TCF4: variants seen among roughly 807,000 people sequenced by gnomAD.
TCF4 encodes the protein transcription factor 4, also known as SL3-3 enhancer factor 2.
TCF4 carries 3 observed loss-of-function variants against 82.1 expected under a neutral mutation model. The observed-to-expected ratio is 0.04, with a 90% confidence interval of 0.02 to 0.09. The LOEUF is 0.09. TCF4 is among the 10% of genes least tolerant of loss of function. The pLI is 1.00. For missense variants in TCF4, 518 were observed against 852.7 expected (o/e 0.61, Z 4.89); for synonymous variants, 276 against 309.6 (o/e 0.89, Z 1.14).
chr18:55,250,362 T>C lies in TCF4; in HGVS notation c.1350+4135A>G, dbSNP rs111885969. Among the ~76,000 whole-genome samples the C allele has an allele frequency of 6.0e-3, 919 of 152,248 alleles. 9 individuals carry two copies. Among genetic ancestry groups the C allele is most frequent in the African/African-American group, 0.021 (893 of 41,536 alleles). ...GAGAGCTGCTCTGGGAACCCAGCCA[T>C]GGAATACCTGGAAACTTCTTTTGCC... On this transcript the variant is annotated intron_variant, in intron 15 of 19. Coordinates refer to ENST00000354452, the MANE Select transcript of TCF4 (RefSeq NM_001083962.2).
intron 5 of TCF4, among the ~76,000 whole-genome samples, chr18:55,426,148 C>T (rs1052261096): frequency 5.4e-5 from 8 of 149,244 alleles, no homozygotes; most frequent in African/African-American, 1.0e-4. Flanking sequence ...TATTTTCATA[C>T]GTGTCTTTTA....
intron 3 of TCF4, among the ~76,000 whole-genome samples, chr18:55,568,949 G>A (rs765485627): frequency 1.2e-4 from 18 of 152,000 alleles, no homozygotes; most frequent in African/African-American, 3.4e-4. Context: ...GAAAATATAC[G>A]GATGTCACTC....
chr18:55,324,057 T>C (rs1352963721), intron 8 of TCF4, among the ~76,000 whole-genome samples: 1 of 152,240 alleles, frequency 6.6e-6, no homozygotes, highest in Non-Finnish European at 1.5e-5. Flanking sequence ...TTTAATATAT[T>C]GTTAACATGT....
chr18:55,298,538 TTC>T (rs1272237398), intron 8 of TCF4, among the ~76,000 whole-genome samples: 1 of 152,194 alleles, frequency 6.6e-6, no homozygotes, highest in Non-Finnish European at 1.5e-5. Flanking sequence ...CAAATTAAAC[TTC>T]TCAGTATATC....
At chr18:55,603,060 A>T (rs766695023) in intron 2 of TCF4, among the ~76,000 whole-genome samples, 6 of 152,186 alleles carry the variant, frequency 3.9e-5, no homozygotes, top group Admixed American at 3.3e-4. Context: ...TTAGAGTAAT[A>T]TACCTGGGTT....
rs373820132 is a variant in TCF4 at position 55,399,922 on chromosome 18, AC to A, written c.369+3531del. ...CACACACACACACACACACACACAC[AC>A]ACAATACTAAAAATGAAACCATGGC... is the stretch of plus-strand genomic sequence containing the variant. On this transcript the variant is annotated intron_variant, in intron 6 of 19. Coordinates refer to ENST00000354452, the MANE Select transcript of TCF4 (RefSeq NM_001083962.2). Among the ~76,000 whole-genome samples, 216 of 147,748 alleles carry A rather than the reference AC, an allele frequency of 1.5e-3. 2 individuals carry two copies. Among genetic ancestry groups the A allele is most frequent in the African/African-American group, 2.9e-3 (115 of 39,014 alleles).
intron 6 of TCF4, among the ~76,000 whole-genome samples, chr18:55,374,332 C>A (rs1412788773): frequency 2.7e-5 from 4 of 147,396 alleles, no homozygotes; most frequent in Non-Finnish European, 4.5e-5. Context: ...ATCAATGAAA[C>A]CAAAAGAAGG....
chr18:55,607,365 A>G (rs1429069832), intron 2 of TCF4, among the ~76,000 whole-genome samples: 1 of 152,206 alleles, frequency 6.6e-6, no homozygotes, highest in Non-Finnish European at 1.5e-5. Flanking sequence ...TTTTCCAACA[A>G]ATTATGAGAA....
chr18:55,585,901 T>C (rs2097639937), intron 2 of TCF4: 1 of 1,229,882 alleles, frequency 8.1e-7, no homozygotes, highest in East Asian at 3.8e-5. Context: ...TTTCACTCCC[T>C]CTCTCTCCAG....
chr18:55,600,174 A>G (rs760208939), intron 2 of TCF4, among the ~76,000 whole-genome samples: 4 of 152,138 alleles, frequency 2.6e-5, no homozygotes, highest in East Asian at 1.9e-4. Flanking sequence ...TGAACATTCT[A>G]TATACATATT....
intron 14 of TCF4, among the ~76,000 whole-genome samples, chr18:55,256,859 T>G (rs530247202): frequency 6.6e-6 from 1 of 152,064 alleles, no homozygotes; most frequent in East Asian, 1.9e-4. Flanking sequence ...CCTGGAAGAG[T>G]AGGCATTTCT....
chr18:55,263,856 T>TA (rs1287292742), intron 11 of TCF4, among the ~76,000 whole-genome samples: 3 of 151,850 alleles, frequency 2.0e-5, no homozygotes, highest in Non-Finnish European at 2.9e-5. Context: ...AGTTCAGAGC[T>TA]ACATTGGAAA....
At chr18:55,570,366 C>T (rs2097451745) in intron 3 of TCF4, among the ~76,000 whole-genome samples, 1 of 151,932 alleles carries the variant, frequency 6.6e-6, no homozygotes, top group Non-Finnish European at 1.5e-5. Flanking sequence ...CAAGAGCTAC[C>T]ATAGAGAGAG....
In TCF4 at chr18:55,262,955, C is replaced by T. The variant is rs186793135; in HGVS notation, c.923-1422G>A. Among the ~76,000 whole-genome samples, 249 of 152,100 alleles carry T rather than the reference C, an allele frequency of 1.6e-3. 1 individual carries two copies. The highest frequency in any genetic ancestry group is 2.9e-3 in the Non-Finnish European group (199 of 67,966). ...CTGAGTAGCTAGGATTACAGGCACACGCCACCACGCCAAGTAATTTTCGTA... is the reference window on the plus strand; with the variant it reads ...CTGAGTAGCTAGGATTACAGGCACATGCCACCACGCCAAGTAATTTTCGTA... On this transcript the variant is annotated intron_variant, in intron 11 of 19. Coordinates refer to ENST00000354452, the MANE Select transcript of TCF4 (RefSeq NM_001083962.2).
At position 55,501,489 on chromosome 18, in the gene TCF4, T is replaced by C. The variant is rs922635190; in HGVS notation, c.146-37352A>G. 5.5e-4 allele frequency among the ~76,000 whole-genome samples: 84 copies of C among 152,222 alleles called. 3 individuals carry two copies. Among genetic ancestry groups the C allele is most frequent in the African/African-American group, 1.7e-4 (7 of 41,470 alleles). On this transcript the variant is annotated intron_variant, in intron 3 of 19. Transcript: ENST00000354452. The stretch of plus-strand genomic sequence containing the variant: ...TAAAGCAACTGAAAAGATGAAACTC[T>C]AGTGGCAAAGGTTTATTGGTCTTTG...
intron 8 of TCF4, among the ~76,000 whole-genome samples, chr18:55,311,178 G>C (rs916675112): frequency 5.3e-5 from 8 of 151,824 alleles, no homozygotes; most frequent in African/African-American, 1.9e-4. Context: ...AAAAGGAAAA[G>C]GGAAATAGAA....
chr18:55,294,077 C>T (rs751573550), intron 8 of TCF4, among the ~76,000 whole-genome samples: 88 of 149,734 alleles, frequency 5.9e-4, no homozygotes, highest in Non-Finnish European at 1.1e-3. Context: ...CTGGCCAACA[C>T]GGTGAAACTC....
rs368553922 is a variant in TCF4 at position 55,279,612 on chromosome 18, C to T, written c.594G>A (p.Ser198=). ...SASTADYNRD[S]PGYPSSKPAT... is the part of the protein sequence containing the mutation. ...CTGGTTTGGAGGAAGGATAGCCTGG[C>T]GAGTCCCTATTGTAGTCGGCAGTGC... Residue 198 remains serine (S), a synonymous_variant, in exon 9 of 20, where the codon TCG becomes TCA. Transcript: ENST00000354452. 4.8e-5 allele frequency: 77 copies of T among 1,613,814 alleles called. No homozygotes were observed. The highest frequency in any genetic ancestry group is 5.9e-5 in the Non-Finnish European group (70 of 1,179,902).
intron 8 of TCF4, among the ~76,000 whole-genome samples, chr18:55,307,978 C>T (rs893575656): frequency 2.6e-5 from 4 of 152,188 alleles, no homozygotes; most frequent in African/African-American, 9.7e-5. Context: ...CATCTGTTGC[C>T]ACCTATGGTT....
Sources: gnomAD v4.1 joint callset for allele counts (sites outside exome capture counted in the v4.1 genomes callset) on GRCh38, gnomAD v4.1.1 for gene constraint, MANE v1.5 for transcripts, NCBI Gene and HGNC (gene_info 2026-07-23, HGNC 2026-07-21) for gene names.